Variants in GRM8 observed in about 807,000 individuals in gnomAD.
The protein encoded by GRM8 is metabotropic glutamate receptor 8.
Under a neutral mutation model 87.2 loss-of-function variants are expected in GRM8, and 47 were observed. That is an observed-to-expected ratio of 0.54 (90% CI 0.43 to 0.69). GRM8 has a LOEUF of 0.69. Ranked by LOEUF, GRM8 falls within the 30% of genes least tolerant of loss-of-function variation. The pLI, the probability that GRM8 is intolerant of heterozygous loss-of-function variation, is 0.00. For missense variants in GRM8, 1,019 were observed against 1,139.2 expected, an observed-to-expected ratio of 0.89 and a Z score of 1.52; for synonymous variants, 396 against 404.5, an observed-to-expected ratio of 0.98 and a Z score of 0.25.
intron 7 of GRM8, among the ~76,000 whole-genome samples, chr7:126,641,562 T>C (rs139926413): frequency 1.2e-4 from 18 of 152,338 alleles, no homozygotes; most frequent in African/African-American, 3.1e-4. Flanking sequence ...TTTGAGAAAC[T>C]ATTCACTGTT....
intron 7 of GRM8, among the ~76,000 whole-genome samples, chr7:126,756,628 G>A (rs955568847): frequency 1.3e-5 from 2 of 152,102 alleles, no homozygotes; most frequent in South Asian, 2.1e-4. Flanking sequence ...AAACCCAAAC[G>A]TATATCAGTA....
intron 7 of GRM8, among the ~76,000 whole-genome samples, chr7:126,760,110 C>T (rs369083486): frequency 7.1e-4 from 108 of 152,272 alleles, no homozygotes; most frequent in African/African-American, 2.4e-3. Flanking sequence ...ATTACTGCAT[C>T]CCAGTTTAGA....
intron 7 of GRM8, among the ~76,000 whole-genome samples, chr7:126,753,465 C>T (rs1816664850): frequency 6.6e-6 from 1 of 151,524 alleles, no homozygotes; most frequent in South Asian, 2.1e-4. Flanking sequence ...TATGTACACA[C>T]AAATGTATAT....
In GRM8 at chr7:127,159,402, G is replaced by A. The variant is rs146325203; in HGVS notation, c.511-52690C>T. On this transcript the variant is annotated intron_variant, in intron 2 of 10. Coordinates refer to ENST00000339582, the MANE Select transcript of GRM8 (RefSeq NM_000845.3). ...GACCTAATTAATTGTTACATAGAATGTCAGGAGAAAAGAAACACTGGCAAA... is the reference window on the plus strand; with the variant it reads ...GACCTAATTAATTGTTACATAGAATATCAGGAGAAAAGAAACACTGGCAAA... Among the ~76,000 whole-genome samples, 694 of 152,270 alleles carry A rather than the reference G, an allele frequency of 4.6e-3. 6 individuals are homozygous for A. The highest frequency in any genetic ancestry group is 0.016 in the African/African-American group (665 of 41,562).
At chr7:127,045,765 C>G (rs1354747476) in intron 3 of GRM8, among the ~76,000 whole-genome samples, 1 of 152,198 alleles carries the variant, frequency 6.6e-6, no homozygotes, top group African/African-American at 2.4e-5. Context: ...TGTGCTAACT[C>G]CAAAGCCCCA....
intron 3 of GRM8, among the ~76,000 whole-genome samples, chr7:126,914,843 A>T (rs1803718032): frequency 6.6e-6 from 1 of 152,204 alleles, no homozygotes; most frequent in Admixed American, 6.5e-5. Context: ...GATGGGATCA[A>T]CAGAAACCTG....
At chr7:126,447,824 C>T (rs1209126244) in intron 9 of GRM8, among the ~76,000 whole-genome samples, 1 of 151,852 alleles carries the variant, frequency 6.6e-6, no homozygotes, top group Non-Finnish European at 1.5e-5. Context: ...GAATTTACTG[C>T]CCAGTTCATC....
At chr7:126,849,927 T>C (rs1433183938) in intron 6 of GRM8, among the ~76,000 whole-genome samples, 1 of 152,192 alleles carries the variant, frequency 6.6e-6, no homozygotes, top group Non-Finnish European at 1.5e-5. Flanking sequence ...TCTACTGGAT[T>C]GTTTGTCCAA....
chr7:126,550,973 T>C (rs1470946554), intron 8 of GRM8, among the ~76,000 whole-genome samples: 1 of 151,618 alleles, frequency 6.6e-6, no homozygotes, highest in East Asian at 1.9e-4. Flanking sequence ...GACTCTGACA[T>C]ACAGATGTAA....
intron 6 of GRM8, among the ~76,000 whole-genome samples, chr7:126,828,454 T>A (rs183510140): frequency 6.6e-4 from 101 of 152,362 alleles, no homozygotes; most frequent in African/African-American, 2.4e-3. Context: ...GGTGTATCTG[T>A]CGAGGAATTT....
At chr7:126,794,831 T>A (rs2151686908) in intron 6 of GRM8, among the ~76,000 whole-genome samples, 1 of 152,230 alleles carries the variant, frequency 6.6e-6, no homozygotes, top group Middle Eastern at 3.4e-3. Context: ...TTCACAAAGA[T>A]TTCTGGTGAT....
intron 8 of GRM8, among the ~76,000 whole-genome samples, chr7:126,596,252 A>G (rs764988891): frequency 1.5e-4 from 23 of 152,192 alleles, no homozygotes; most frequent in Non-Finnish European, 3.4e-4. Context: ...CACAATGGCT[A>G]AACTAATTTA....
chr7:126,984,015 T>C (rs988487474), intron 3 of GRM8, among the ~76,000 whole-genome samples: 2 of 150,908 alleles, frequency 1.3e-5, no homozygotes, highest in Non-Finnish European at 3.0e-5. Flanking sequence ...TATCTTCATT[T>C]GTACCAAGAA....
At chr7:126,972,040 C>G (rs553775975) in intron 3 of GRM8, among the ~76,000 whole-genome samples, 5 of 152,284 alleles carry the variant, frequency 3.3e-5, no homozygotes, top group Admixed American at 2.0e-4. Flanking sequence ...GTCACTGTAG[C>G]CGAATAACAG....
chr7:127,079,119 T>C (rs1384242317), intron 3 of GRM8, among the ~76,000 whole-genome samples: 3 of 152,116 alleles, frequency 2.0e-5, no homozygotes, highest in African/African-American at 4.8e-5. Flanking sequence ...TGTGTTTCTT[T>C]TTTCTTTCTT....
chr7:127,200,321 A>G (rs1330061354), intron 2 of GRM8, among the ~76,000 whole-genome samples: 1 of 152,210 alleles, frequency 6.6e-6, no homozygotes, highest in African/African-American at 2.4e-5. Flanking sequence ...GGGAACTCTT[A>G]CATGTAGATA....
At chr7:126,916,370 C>A (rs1007695981) in intron 3 of GRM8, among the ~76,000 whole-genome samples, 25 of 152,138 alleles carry the variant, frequency 1.6e-4, no homozygotes, top group African/African-American at 5.8e-4. Context: ...GCCACTGTTT[C>A]CTGATATAGT....
chr7:126,977,828 G>T (rs577607737), intron 3 of GRM8, among the ~76,000 whole-genome samples: 1 of 152,302 alleles, frequency 6.6e-6, no homozygotes, highest in East Asian at 1.9e-4. Flanking sequence ...AGAAGGGAGA[G>T]TGGCCATGTG....
intron 7 of GRM8, among the ~76,000 whole-genome samples, chr7:126,625,432 A>G (rs1585268517): frequency 7.9e-6 from 1 of 127,250 alleles, no homozygotes; most frequent in Non-Finnish European, 1.7e-5. Flanking sequence ...TTGGTGTGTT[A>G]AAAAAAAAAA....
Sources: allele counts gnomAD v4.1 joint callset (sites outside exome capture counted in the v4.1 genomes callset), GRCh38; gene constraint gnomAD v4.1.1; transcripts MANE v1.5; gene names NCBI Gene and HGNC (gene_info 2026-07-23, HGNC 2026-07-21).